Variants in RBFOX3 observed in about 807,000 individuals in gnomAD.
RBFOX3 encodes RNA binding fox-1 homolog 3.
A neutral mutation model predicts 48.7 loss-of-function variants in RBFOX3; 17 were observed. That is an observed-to-expected ratio of 0.35 (90% CI 0.24 to 0.52). The LOEUF (loss-of-function observed/expected upper bound fraction) is 0.52, where lower values mean the gene tolerates loss of function less well. Ranked by LOEUF, RBFOX3 falls within the 20% of genes least tolerant of loss-of-function variation. The pLI, the probability that RBFOX3 is intolerant of heterozygous loss-of-function variation, is 0.94. For synonymous variants in RBFOX3, 212 were observed against 209.5 expected, an observed-to-expected ratio of 1.01 and a Z score of -0.10; for missense variants, 382 against 497.5, an observed-to-expected ratio of 0.77 and a Z score of 2.21.
intron 1 of RBFOX3, among the ~76,000 whole-genome samples, chr17:79,570,983 T>C (rs1322221669): frequency 6.6e-6 from 1 of 152,150 alleles, no homozygotes; most frequent in Non-Finnish European, 1.5e-5. Flanking sequence ...AGAAAAGAAT[T>C]TTTTATAAAA....
chr17:79,148,096 G>C (rs896962373), intron 4 of RBFOX3, among the ~76,000 whole-genome samples: 1 of 152,196 alleles, frequency 6.6e-6, no homozygotes, highest in African/African-American at 2.4e-5. Context: ...GGGTGCGTGC[G>C]GCCCTAAAGA....
intron 3 of RBFOX3, among the ~76,000 whole-genome samples, chr17:79,291,466 T>A (rs1600452360): frequency 6.6e-6 from 1 of 152,128 alleles, no homozygotes; most frequent in African/African-American, 2.4e-5. Flanking sequence ...CGGCTTCAAG[T>A]GTGGGGATTT....
At chr17:79,533,480 C>A (rs1412498670) in intron 1 of RBFOX3, among the ~76,000 whole-genome samples, 1 of 152,274 alleles carries the variant, frequency 6.6e-6, no homozygotes, top group Non-Finnish European at 1.5e-5. Context: ...CCTCCAGGTT[C>A]TGGCATGACT....
intron 2 of RBFOX3, among the ~76,000 whole-genome samples, chr17:79,327,319 A>C (rs1001692858): frequency 1.3e-5 from 2 of 152,172 alleles, no homozygotes; most frequent in Non-Finnish European, 2.9e-5. Flanking sequence ...CCTCCAACTC[A>C]TGGGGAGTCC....
At chr17:79,355,582 T>C (rs910843291) in intron 2 of RBFOX3, among the ~76,000 whole-genome samples, 1 of 151,616 alleles carries the variant, frequency 6.6e-6, no homozygotes, top group African/African-American at 2.4e-5. Flanking sequence ...GTGAATTAAT[T>C]GCTTTTTTTT....
At chr17:79,598,377 T>TGCACATGTGCGCGCACACACAC in intron 1 of RBFOX3, 1 of 126,322 alleles carries the variant, frequency 7.9e-6, no homozygotes, top group Non-Finnish European at 1.7e-5. Context: ...CACACATACA[T>TGCACATGTGCGCGCACACACAC]GCACATGTGC....
chr17:79,639,355 T>G, the RBFOX3 span, among the ~76,000 whole-genome samples: 1 of 152,008 alleles, frequency 6.6e-6, no homozygotes, highest in South Asian at 2.1e-4. Flanking sequence ...TTTTGGTATT[T>G]TTAGTAGAGA....
chr17:79,524,725 C>T (rs1428279077), intron 1 of RBFOX3, among the ~76,000 whole-genome samples: 3 of 152,200 alleles, frequency 2.0e-5, no homozygotes, highest in Admixed American at 1.3e-4. Context: ...CTGCATCTTC[C>T]AGCACATGGC....
chr17:79,122,584 G>A (rs377181772), intron 4 of RBFOX3, among the ~76,000 whole-genome samples: 1 of 152,316 alleles, frequency 6.6e-6, no homozygotes, highest in South Asian at 2.1e-4. Flanking sequence ...TGGAGAAAAG[G>A]GAACCCTCAT....
chr17:79,455,172 TA>T lies in RBFOX3; in HGVS notation c.-175+27281del, dbSNP rs111321747. Among the ~76,000 whole-genome samples the T allele has an allele frequency of 1.2e-3, 185 of 152,264 alleles. 1 individual carries two copies. The highest frequency in any genetic ancestry group is 4.3e-3 in the African/African-American group (177 of 41,534). ...CATGGGCCCCACTTTTCTTGTATCT[TA>T]AAAATGAGCCCCATAACTGGAGGAA... On this transcript the variant is annotated intron_variant, in intron 2 of 14. Transcript: ENST00000693108.
Position 79,243,157 on chromosome 17 carries a change from AT to A in RBFOX3, c.-73-7353del, listed in dbSNP as rs2062639414. On this transcript the variant is annotated intron_variant, in intron 3 of 14. Transcript: ENST00000693108. The surrounding 1 kb of genome is among the most constrained non-coding windows in gnomAD (Gnocchi z 7.9). Reference sequence around the variant, plus strand: ...TCTGAAGCTTGGGGAAGTGAAGCAGATTGCCCTAAATGCCACAGCTGGTAGC... The same window carrying A: ...TCTGAAGCTTGGGGAAGTGAAGCAGATGCCCTAAATGCCACAGCTGGTAGC... Among the ~76,000 whole-genome samples, 1 of 151,388 alleles carries A rather than the reference AT, an allele frequency of 6.6e-6. No individual in the cohort carries two copies. Among genetic ancestry groups the A allele is most frequent in the Admixed American group, 6.6e-5 (1 of 15,126 alleles).
intron 4 of RBFOX3, among the ~76,000 whole-genome samples, chr17:79,159,981 CT>C (rs2046632932): frequency 6.6e-6 from 1 of 152,232 alleles, no homozygotes. Flanking sequence ...CCACTGCCCT[CT>C]GAAGTGCAGA....
chr17:79,134,276 C>T (rs903397281), intron 4 of RBFOX3, among the ~76,000 whole-genome samples: 3 of 152,274 alleles, frequency 2.0e-5, no homozygotes, highest in African/African-American at 2.4e-5. Flanking sequence ...TTACATAATG[C>T]GTCCCACAGC....
chr17:79,210,296 G>A lies in RBFOX3; in HGVS notation c.-34+25470C>T, dbSNP rs931885653. On this transcript the variant is annotated intron_variant, in intron 4 of 14. Transcript: ENST00000693108. The stretch of plus-strand genomic sequence containing the variant: ...AGAGTTGGACCCCCGGCGTCTTCAC[G>A]CTAATGCCACCGTCTTCATTTCTCT... Among the ~76,000 whole-genome samples the A allele has an allele frequency of 9.2e-5, 14 of 152,320 alleles. 1 individual carries two copies. The highest frequency in any genetic ancestry group is 3.4e-3 in the Middle Eastern group (1 of 294).
At chr17:79,581,993 C>A (rs961035808) in intron 1 of RBFOX3, among the ~76,000 whole-genome samples, 5 of 133,642 alleles carry the variant, frequency 3.7e-5, no homozygotes, top group African/African-American at 1.4e-4. Context: ...TATGCAAGCA[C>A]GTGCCTGCCC....
chr17:79,472,143 C>T (rs1598844412), intron 2 of RBFOX3, among the ~76,000 whole-genome samples: 1 of 152,182 alleles, frequency 6.6e-6, no homozygotes, highest in African/African-American at 2.4e-5. Context: ...GTCATGCCCA[C>T]TTGGCCTCCA....
At position 79,311,452 on chromosome 17, in the gene RBFOX3, AAAC is replaced by A. The variant is rs1479598546; in HGVS notation, c.-174-3631_-174-3629del. On this transcript the variant is annotated intron_variant, in intron 2 of 14. Coordinates refer to ENST00000693108, the MANE Select transcript of RBFOX3 (RefSeq NM_001350451.2). This position sits in a 1 kb window ranked among gnomAD's most constrained non-coding sequence, Gnocchi z 4.2. ...CCATCTCCAAAAAAAAAAAAAAAAA[AAAC>A]AGACTGCAGCACCAATTCCTGCCTG... Among the ~76,000 whole-genome samples, 3 of 151,626 alleles carry A rather than the reference AAAC, an allele frequency of 2.0e-5. No homozygotes were observed. The highest frequency in any genetic ancestry group is 4.4e-5 in the Non-Finnish European group (3 of 67,902).
chr17:79,656,793 A>AGAAGGAAGGGAG, the RBFOX3 span, among the ~76,000 whole-genome samples: 2 of 20,620 alleles, frequency 9.7e-5, no homozygotes, highest in African/African-American at 1.5e-4. Flanking sequence ...AAAGAAAGAA[A>AGAAGGAAGGGAG]GAAAGAAAGA....
chr17:79,182,539 A>G (rs2052285861), intron 4 of RBFOX3, among the ~76,000 whole-genome samples: 1 of 150,008 alleles, frequency 6.7e-6, no homozygotes, highest in Non-Finnish European at 1.5e-5. Flanking sequence ...CCCTCCCCCA[A>G]CGCCCCGGCC....
Sources: allele counts gnomAD v4.1 joint callset (sites outside exome capture counted in the v4.1 genomes callset), GRCh38; gene constraint gnomAD v4.1.1; non-coding constraint Gnocchi (gnomAD v3.1); transcripts MANE v1.5; gene names NCBI Gene and HGNC (gene_info 2026-07-23, HGNC 2026-07-21).